GDF1: variants seen among roughly 807,000 people sequenced by gnomAD.
The protein encoded by GDF1 is growth differentiation factor 1, also known as embryonic growth/differentiation factor 1.
Under a neutral mutation model 7.4 loss-of-function variants are expected in GDF1, and 8 were observed. The observed-to-expected ratio is 1.09, with a 90% CI of 0.64 to 1.96. The LOEUF is 1.96. Among genes scored for constraint, GDF1 ranks in the 30% most tolerant of loss-of-function variants. The probability of loss-of-function intolerance (pLI) is 0.00; values close to 1 mark genes in which losing one functional copy is unlikely to be tolerated. For missense variants in GDF1, 574 were observed against 551.5 expected, an observed-to-expected ratio of 1.04 and a Z score of -0.41; for synonymous variants, 311 against 276.7, an observed-to-expected ratio of 1.12 and a Z score of -1.23.
chr19:18,881,291 C>T (rs1358210941), intron 3 of GDF1, among the ~76,000 whole-genome samples: 1 of 151,578 alleles, frequency 6.6e-6, no homozygotes, highest in Non-Finnish European at 1.5e-5. Flanking sequence ...ACGATCTCAG[C>T]TCACCGCAAC....
chr19:18,888,889 C>CTGT (rs1555706335), intron 2 of GDF1, among the ~76,000 whole-genome samples: 5 of 122,926 alleles, frequency 4.1e-5, no homozygotes, highest in East Asian at 2.4e-4. Context: ...TTCTTTCTTT[C>CTGT]TTTTTTTTTT....
rs1270772988 is a variant in GDF1, at chr19:18,880,255, A to G, written c.-571+19T>C. ...CCAGGCCACACCTCCCTCCCTGCCC[A>G]GCACTCCCTACCACTCACCAGCTGA... On this transcript the variant is annotated intron_variant, in intron 4 of 7. Coordinates refer to ENST00000247005, the MANE Select transcript of GDF1 (RefSeq NM_001492.6). 3.3e-6 allele frequency: 5 copies of G among 1,535,698 alleles called. No homozygotes were observed. Among genetic ancestry groups the G allele is most frequent in the Non-Finnish European group, 4.4e-6 (5 of 1,137,694 alleles).
At position 18,870,016 on chromosome 19, in the gene GDF1, C is replaced by A. The variant is rs867486870; in HGVS notation, c.292G>T (p.Ala98Ser). The A allele has an allele frequency of 6.3e-7, 1 of 1,596,264 alleles. No individual in the cohort carries two copies. The highest frequency in any genetic ancestry group is 8.5e-7 in the Non-Finnish European group (1 of 1,173,486). Residue 98 changes from alanine (A) to serine (S), a missense_variant, in exon 7 of 8, where the codon GCC becomes TCC. Ala to Ser is a moderately conservative substitution (Grantham distance 99). Coordinates refer to ENST00000247005, the MANE Select transcript of GDF1 (RefSeq NM_001492.6). The surrounding 1 kb of genome is among the most constrained non-coding windows in gnomAD (Gnocchi z 5.1). ...QPCHVEELGVAGNIVRHIPDR... is the reference protein window; with the variant it reads ...QPCHVEELGVSGNIVRHIPDR... Reference sequence around the variant, plus strand: ...GGGATGTGGCGCACGATGTTTCCGGCGACCCCCAGCTCCTCCACGTGGCAC... The same window carrying A: ...GGGATGTGGCGCACGATGTTTCCGGAGACCCCCAGCTCCTCCACGTGGCAC...
chr19:18,869,921 C>G, intron 7 of GDF1, 62 bp downstream of exon 7: 1 of 1,501,062 alleles, frequency 6.7e-7, no homozygotes. Context: ...GGGCCACTCT[C>G]GAGGCTCGCC....
chr19:18,869,423 C>T (rs1601144546), intron 7 of GDF1, 33 bp from the exon 8 acceptor site: 1 of 1,523,642 alleles, frequency 6.6e-7, no homozygotes, highest in Non-Finnish European at 8.8e-7. Context: ...TCGGCTCGCG[C>T]TGCGTCCCCG....
chr19:18,889,177 C>A (rs1189438544), intron 2 of GDF1, among the ~76,000 whole-genome samples: 1 of 151,988 alleles, frequency 6.6e-6, no homozygotes, highest in Non-Finnish European at 1.5e-5. Context: ...CAGGTGTGAG[C>A]CACTGCACCC....
chr19:18,890,589 C>T (rs2056464927), intron 2 of GDF1, among the ~76,000 whole-genome samples: 1 of 151,204 alleles, frequency 6.6e-6, no homozygotes, highest in Admixed American at 6.6e-5. Context: ...ACCAGCCTGG[C>T]CAACATAGTG....
At position 18,868,884 on chromosome 19, in the gene GDF1, C is replaced by G. The variant is rs1371359675; in HGVS notation, c.832G>C (p.Glu278Gln). The G allele has an allele frequency of 7.0e-7, 1 of 1,431,126 alleles. No homozygotes were observed. The highest frequency in any genetic ancestry group is 1.5e-5 in the African/African-American group (1 of 66,562). 88.7% of individuals were successfully genotyped at this position (1,431,126 alleles called of 1,614,324 possible). A position where few individuals can be genotyped will look rare whatever the true frequency, so the allele number is the denominator to read the frequency against. ...RARRLYVSFREVGWHRWVIAP... is the reference protein window; with the variant it reads ...RARRLYVSFRQVGWHRWVIAP... ...ATGACCCAGCGGTGCCAGCCCACCT[C>G]GCGGAAGCTCACGTACAGCCGCCGC... Residue 278 changes from glutamate (E) to glutamine (Q), a missense_variant, in exon 8 of 8, where the codon GAG becomes CAG. Coordinates refer to ENST00000247005, the MANE Select transcript of GDF1 (RefSeq NM_001492.6).
intron 7 of GDF1, among the ~76,000 whole-genome samples, chr19:18,869,705 A>T (rs2055928984): frequency 9.3e-6 from 1 of 107,438 alleles, no homozygotes; most frequent in Admixed American, 1.3e-4. Flanking sequence ...TGGCATCTGC[A>T]GGAAGGCATT....
rs528765980 is a variant in GDF1 at position 18,880,365 on chromosome 19, G to T, written c.-662C>A. 1.3e-6 allele frequency: 2 copies of T among 1,572,922 alleles called. No homozygotes were observed. Among genetic ancestry groups the T allele is most frequent in the Non-Finnish European group, 1.7e-6 (2 of 1,159,168 alleles). On this transcript the variant is annotated 5_prime_UTR_variant, in exon 4 of 8. Coordinates refer to ENST00000247005, the MANE Select transcript of GDF1 (RefSeq NM_001492.6). ...CCGCGGGACTTGAAGTAAATGTTGA[G>T]CTTGGTGAACTCAAGCTGCACGTCA...
In GDF1 at chr19:18,870,666, C is replaced by T. The variant is rs1449420279; in HGVS notation, c.-312-47G>A. The T allele has an allele frequency of 3.9e-6, 2 of 512,102 alleles. No individual in the cohort carries two copies. The highest frequency in any genetic ancestry group is 7.1e-6 in the Non-Finnish European group (2 of 282,756). 31.7% of individuals were successfully genotyped at this position (512,102 alleles called of 1,614,324 possible). ...GGTTAGCCTGGGAGCCCCACGCGGC[C>T]GCCTGGCCCTCTTTCCCGCTTCTTC... On this transcript the variant is annotated intron_variant, in intron 6 of 7. Transcript: ENST00000247005. The surrounding 1 kb of genome is among the most constrained non-coding windows in gnomAD (Gnocchi z 5.1).
intron 2 of GDF1, among the ~76,000 whole-genome samples, chr19:18,892,096 C>A (rs1049328963): frequency 2.0e-5 from 3 of 151,880 alleles, no homozygotes; most frequent in Non-Finnish European, 4.4e-5. Flanking sequence ...CAGGGTTTCA[C>A]CATGTTGGCC....
At position 18,895,709 on chromosome 19, in the gene GDF1, C is replaced by T. The variant is rs931498397; in HGVS notation, c.-1074+115G>A. On this transcript the variant is annotated intron_variant, in intron 1 of 7. Coordinates refer to ENST00000247005, the MANE Select transcript of GDF1 (RefSeq NM_001492.6). This position sits in a 1 kb window ranked among gnomAD's most constrained non-coding sequence, Gnocchi z 6.4. ...GGCCCCCACCCACGTTCCGGCGACC[C>T]CTTCATCCGCAGCAGCCAGCGCTGG... 6.0e-5 allele frequency: 29 copies of T among 485,122 alleles called. No individual in the cohort carries two copies. Among genetic ancestry groups the T allele is most frequent in the Non-Finnish European group, 8.2e-5 (28 of 340,188 alleles). 30.1% of individuals were successfully genotyped at this position (485,122 alleles called of 1,614,324 possible). A position where few individuals can be genotyped will look rare whatever the true frequency, so the allele number is the denominator to read the frequency against.
chr19:18,868,869 G>A lies in GDF1; in HGVS notation c.847C>T (p.Arg283Cys), dbSNP rs2055904268. The A allele has an allele frequency of 6.9e-7, 1 of 1,439,946 alleles. No homozygotes were observed. The highest frequency in any genetic ancestry group is 9.2e-7 in the Non-Finnish European group (1 of 1,089,256). 89.2% of individuals were successfully genotyped at this position (1,439,946 alleles called of 1,614,324 possible). The stretch of plus-strand genomic sequence containing the variant: ...AAGCCGCGCGGCGCGATGACCCAGC[G>A]GTGCCAGCCCACCTCGCGGAAGCTC... Reference protein sequence around the residue: ...YVSFREVGWHRWVIAPRGFLA... With the variant: ...YVSFREVGWHCWVIAPRGFLA... The change falls in exon 8 of 8, where the codon CGC (arginine) becomes TGC (cysteine). Residue 283 changes from arginine (R) to cysteine (C), a missense_variant. Coordinates refer to ENST00000247005, the MANE Select transcript of GDF1 (RefSeq NM_001492.6).
chr19:18,869,883 G>A lies in GDF1; in HGVS notation c.325+100C>T, dbSNP rs1235462308. ...CTAGTAGCCTGGACAGGGCGGGTGG[G>A]GACCCTCGGAGCTGCTCGGGCATCC... On this transcript the variant is annotated intron_variant, in intron 7 of 7. Transcript: ENST00000247005. The A allele has an allele frequency of 2.5e-6, 3 of 1,192,994 alleles. No individual in the cohort carries two copies. In the East Asian group the frequency reaches 7.6e-5, roughly 30 times the overall value. 73.9% of individuals were successfully genotyped at this position (1,192,994 alleles called of 1,614,324 possible). A position where few individuals can be genotyped will look rare whatever the true frequency, so the allele number is the denominator to read the frequency against.
At chr19:18,876,594 A>C (rs1214708389) in intron 6 of GDF1, among the ~76,000 whole-genome samples, 3 of 150,420 alleles carry the variant, frequency 2.0e-5, no homozygotes, top group East Asian at 3.9e-4. Context: ...TATATTGCCC[A>C]GGCTGGTCTT....
chr19:18,894,385 C>T (rs2056574278), intron 1 of GDF1, among the ~76,000 whole-genome samples: 1 of 152,078 alleles, frequency 6.6e-6, no homozygotes. Flanking sequence ...CAGCTGGAGC[C>T]GGCTCCGGTA....
chr19:18,889,190 C>T (rs2056435746), intron 2 of GDF1, among the ~76,000 whole-genome samples: 1 of 152,076 alleles, frequency 6.6e-6, no homozygotes, highest in African/African-American at 2.4e-5. Flanking sequence ...CTGCACCCGG[C>T]CCACTTCAGC....
intron 1 of GDF1, among the ~76,000 whole-genome samples, chr19:18,894,238 G>A (rs1194928984): frequency 6.6e-6 from 1 of 151,720 alleles, no homozygotes; most frequent in Non-Finnish European, 1.5e-5. Flanking sequence ...GCAGGGGTTG[G>A]GGAGTGCGGT....
Sources: gnomAD v4.1 joint callset for allele counts (sites outside exome capture counted in the v4.1 genomes callset) on GRCh38, gnomAD v4.1.1 for gene constraint, Gnocchi (gnomAD v3.1) non-coding constraint, MANE v1.5 for transcripts, NCBI Gene and HGNC (gene_info 2026-07-23, HGNC 2026-07-21) for gene names.